Variants in TAF4B observed in about 807,000 individuals in gnomAD.
TAF4B encodes the protein transcription initiation factor TFIID subunit 4B.
TAF4B carries 38 observed loss-of-function variants against 86.4 expected under a neutral mutation model. The ratio of observed to expected loss-of-function variants is 0.44; its 90% CI spans 0.34 to 0.58. The LOEUF is 0.58. Among genes scored for constraint, TAF4B ranks in the 20% least tolerant of loss-of-function variants. TAF4B has a pLI of 0.02. For missense variants in TAF4B, 988 were observed against 1,027.6 expected (o/e 0.96, Z 0.53); for synonymous variants, 388 against 391.2 (o/e 0.99, Z 0.10).
Position 26,390,070 on chromosome 18 carries a change from T to G in TAF4B, c.*58T>G. ...TTACTGCCAAAGAAGACACAAAGCA[T>G]TGTTGCACTGTCCTGAAATTTCAAT... On this transcript the variant is annotated 3_prime_UTR_variant, in exon 15 of 15. Coordinates refer to ENST00000269142, the MANE Select transcript of TAF4B (RefSeq NM_005640.3). 1 of 1,525,924 alleles carries G rather than the reference T, an allele frequency of 6.6e-7. No homozygotes were observed. Among genetic ancestry groups the G allele is most frequent in the East Asian group, 2.3e-5 (1 of 43,798 alleles). The allele number at this position is 1,525,924 out of a possible 1,614,324, so 94.5% of individuals were successfully genotyped here.
chr18:26,256,285 T>G, intron 1 of TAF4B: 1 of 1,460,960 alleles, frequency 6.8e-7, no homozygotes, highest in Non-Finnish European at 9.6e-7. Flanking sequence ...AATCGAGAAC[T>G]AGAGGACTTA....
chr18:26,241,290 A>G (rs576016931), intron 1 of TAF4B, among the ~76,000 whole-genome samples: 44 of 152,280 alleles, frequency 2.9e-4, no homozygotes, highest in Middle Eastern at 3.4e-3. Context: ...CAGGGATTCA[A>G]CTTCTTCCTG....
At chr18:26,381,545 G>A (rs769462669) in intron 14 of TAF4B, among the ~76,000 whole-genome samples, 1 of 151,704 alleles carries the variant, frequency 6.6e-6, no homozygotes, top group Non-Finnish European at 1.5e-5. Context: ...TGACCAACAT[G>A]GAGAAACCCC....
At chr18:26,335,739 G>A (rs777578203) in intron 13 of TAF4B, among the ~76,000 whole-genome samples, 4 of 152,122 alleles carry the variant, frequency 2.6e-5, no homozygotes, top group Non-Finnish European at 4.4e-5. Context: ...TTAGCTGCAG[G>A]GGTTTTAGTT....
intron 10 of TAF4B, among the ~76,000 whole-genome samples, chr18:26,318,096 T>C (rs192789501): frequency 1.2e-3 from 185 of 152,262 alleles, no homozygotes; most frequent in African/African-American, 4.1e-3. Flanking sequence ...ACAGTGGTGC[T>C]ATCACAGCTC....
intron 3 of TAF4B, among the ~76,000 whole-genome samples, chr18:26,268,686 C>T (rs1408668102): frequency 6.6e-6 from 1 of 152,110 alleles, no homozygotes; most frequent in Non-Finnish European, 1.5e-5. Context: ...TAATAGCAAC[C>T]CTACCTCCTC....
intron 1 of TAF4B, among the ~76,000 whole-genome samples, chr18:26,228,538 A>T (rs1162063921): frequency 6.6e-6 from 1 of 152,192 alleles, no homozygotes; most frequent in East Asian, 1.9e-4. Flanking sequence ...TTTATAAAGT[A>T]GTTCTGAATG....
chr18:26,252,719 T>G (rs533885444), intron 1 of TAF4B, among the ~76,000 whole-genome samples: 1 of 152,056 alleles, frequency 6.6e-6, no homozygotes, highest in South Asian at 2.1e-4. Flanking sequence ...TAACCCTATT[T>G]TAATTAATAA....
chr18:26,308,821 G>T (rs1472319651), intron 9 of TAF4B, among the ~76,000 whole-genome samples: 1 of 142,656 alleles, frequency 7.0e-6, no homozygotes. Flanking sequence ...GCAGTGAGCC[G>T]AGACTGTGCC....
intron 9 of TAF4B, among the ~76,000 whole-genome samples, chr18:26,302,256 G>A (rs569189779): frequency 1.3e-5 from 2 of 151,356 alleles, no homozygotes; most frequent in African/African-American, 4.8e-5. Flanking sequence ...TAAAGTTGTT[G>A]AATTTGGCAG....
chr18:26,375,561 C>T (rs542314222), intron 14 of TAF4B, among the ~76,000 whole-genome samples: 9 of 152,270 alleles, frequency 5.9e-5, no homozygotes, highest in Admixed American at 3.3e-4. Context: ...CTTGCCAACA[C>T]TTGTTATTGC....
At chr18:26,359,312 A>C (rs1446078572) in intron 14 of TAF4B, among the ~76,000 whole-genome samples, 2 of 152,222 alleles carry the variant, frequency 1.3e-5, no homozygotes, top group South Asian at 2.1e-4. Context: ...TGCCTCAGAT[A>C]ACATTTTTGC....
chr18:26,313,910 C>T (rs1488256509), intron 9 of TAF4B, among the ~76,000 whole-genome samples: 2 of 152,106 alleles, frequency 1.3e-5, no homozygotes, highest in African/African-American at 4.8e-5. Flanking sequence ...TAAAGCAATC[C>T]TCCCACCTTG....
At chr18:26,247,759 C>T (rs2055947929) in intron 1 of TAF4B, among the ~76,000 whole-genome samples, 1 of 152,122 alleles carries the variant, frequency 6.6e-6, no homozygotes, top group African/African-American at 2.4e-5. Flanking sequence ...GTGCATACCT[C>T]TAATCCCAGG....
chr18:26,237,814 T>C (rs2055772129), intron 1 of TAF4B, among the ~76,000 whole-genome samples: 1 of 152,112 alleles, frequency 6.6e-6, no homozygotes, highest in South Asian at 2.1e-4. Flanking sequence ...GGCCAGGCCA[T>C]AGTGCAGAAA....
intron 13 of TAF4B, among the ~76,000 whole-genome samples, chr18:26,347,205 C>A (rs1452388090): frequency 6.6e-6 from 1 of 151,840 alleles, no homozygotes; most frequent in African/African-American, 2.4e-5. Context: ...CAGGCGTGAG[C>A]CACTGCGCCC....
chr18:26,332,027 C>A (rs1455766632), intron 12 of TAF4B, among the ~76,000 whole-genome samples: 1 of 152,196 alleles, frequency 6.6e-6, no homozygotes, highest in African/African-American at 2.4e-5. Context: ...CCTTTCTGTT[C>A]CTTGAATGTG....
At chr18:26,288,751 G>A (rs1568130522) in intron 7 of TAF4B, among the ~76,000 whole-genome samples, 1 of 152,128 alleles carries the variant, frequency 6.6e-6, no homozygotes, top group African/African-American at 2.4e-5. Context: ...TAGGTTTCTG[G>A]AATGTCCTGA....
At chr18:26,277,509 AAATCTCTTT>A (rs2144572738) in intron 5 of TAF4B, among the ~76,000 whole-genome samples, 1 of 152,340 alleles carries the variant, frequency 6.6e-6, no homozygotes, top group East Asian at 1.9e-4. Flanking sequence ...CCAATTTTGC[AAATCTCTTT>A]AGTGGCTGAC....
Sources: gnomAD v4.1 joint callset for allele counts (sites outside exome capture counted in the v4.1 genomes callset) on GRCh38, gnomAD v4.1.1 for gene constraint, MANE v1.5 for transcripts, NCBI Gene and HGNC (gene_info 2026-07-23, HGNC 2026-07-21) for gene names.